Variants in TMEM71 observed in about 807,000 individuals in gnomAD.
TMEM71 encodes the protein transmembrane protein 71.
TMEM71 carries 44 observed loss-of-function variants against 38.0 expected under a neutral mutation model. The observed-to-expected ratio is 1.16, with a 90% CI of 0.91 to 1.49. TMEM71 has a LOEUF of 1.49. Ranked by LOEUF, TMEM71 falls within the 40% of genes most tolerant of loss-of-function variation. TMEM71 has a pLI of 0.00. For missense variants in TMEM71, 367 were observed against 348.6 expected (o/e 1.05, Z -0.42); for synonymous variants, 133 against 122.5 (o/e 1.09, Z -0.56).
chr8:132,769,637 C>G, the TMEM71 span, among the ~76,000 whole-genome samples: 4 of 152,178 alleles, frequency 2.6e-5, no homozygotes, highest in African/African-American at 9.7e-5. Context: ...TTAGAAGAAA[C>G]ATGAGAGAGA....
chr8:132,720,145 T>TA (rs1826761226), intron 7 of TMEM71, among the ~76,000 whole-genome samples: 1 of 152,192 alleles, frequency 6.6e-6, no homozygotes, highest in South Asian at 2.1e-4. Flanking sequence ...CAGTGTAACT[T>TA]ATCTCTGTTG....
chr8:132,729,137 T>A (rs904865747), intron 5 of TMEM71, among the ~76,000 whole-genome samples: 2 of 152,234 alleles, frequency 1.3e-5, no homozygotes, highest in African/African-American at 2.4e-5. Flanking sequence ...CTAAGATGAT[T>A]CCTCATAACA....
the TMEM71 span, among the ~76,000 whole-genome samples, chr8:132,770,784 A>G: frequency 6.6e-6 from 1 of 152,334 alleles, no homozygotes; most frequent in African/African-American, 2.4e-5. Flanking sequence ...TGAATATTTC[A>G]TGTACGTATG....
the TMEM71 span, among the ~76,000 whole-genome samples, chr8:132,766,396 G>C: frequency 4.4e-5 from 6 of 136,240 alleles, no homozygotes; most frequent in Admixed American, 3.8e-4. Context: ...TATATCAGAA[G>C]TACATGGGGG....
intron 6 of TMEM71, among the ~76,000 whole-genome samples, chr8:132,723,220 G>A (rs1826950078): frequency 1.3e-5 from 2 of 152,176 alleles, no homozygotes; most frequent in African/African-American, 4.8e-5. Flanking sequence ...TTCAGTTATT[G>A]TGGGTTCAAC....
chr8:132,751,407 A>AT (rs1828700705), intron 4 of TMEM71, among the ~76,000 whole-genome samples: 6 of 152,164 alleles, frequency 3.9e-5, no homozygotes, highest in Admixed American at 3.3e-4. Flanking sequence ...ATTTTTACCT[A>AT]TTCCCCAAGT....
chr8:132,758,013 T>TCTCTCCCTCATTAGTGCATATTA (rs1829128937), intron 2 of TMEM71: 1 of 152,214 alleles, frequency 6.6e-6, no homozygotes, highest in Non-Finnish European at 1.5e-5. Flanking sequence ...ATCATTGTTC[T>TCTCTCCCTCATTAGTGCATATTA]AGACTCTCCC....
chr8:132,773,489 T>C, the TMEM71 span, among the ~76,000 whole-genome samples: 1 of 152,228 alleles, frequency 6.6e-6, no homozygotes. Flanking sequence ...GTTCTTTATG[T>C]ATGTATTTTA....
At chr8:132,762,011 C>T (rs1218241559), upstream of TMEM71, among the ~76,000 whole-genome samples, 1 of 152,172 alleles carries the variant, frequency 6.6e-6, no homozygotes, top group East Asian at 1.9e-4. Flanking sequence ...AGCAGACAAC[C>T]CAGGCTAGCC....
At chr8:132,725,030 T>A (rs2131048995) in intron 6 of TMEM71, among the ~76,000 whole-genome samples, 1 of 148,358 alleles carries the variant, frequency 6.7e-6, no homozygotes, top group African/African-American at 2.5e-5. Context: ...TTCTTTTCTT[T>A]TCTTTTCTTT....
intron 6 of TMEM71, among the ~76,000 whole-genome samples, chr8:132,725,392 C>T (rs1827087194): frequency 6.6e-6 from 1 of 152,064 alleles, no homozygotes; most frequent in African/African-American, 2.4e-5. Flanking sequence ...CTGGTACAAC[C>T]TTTTAAAGAG....
At position 132,747,064 on chromosome 8, in the gene TMEM71, T is replaced by C. The variant is rs763310359; in HGVS notation, c.365A>G (p.Asn122Ser). The C allele has an allele frequency of 2.2e-5, 35 of 1,613,014 alleles. No individual in the cohort carries two copies. Among genetic ancestry groups the C allele is most frequent in the Middle Eastern group, 1.7e-4 (1 of 6,058 alleles). ...CAGCCAAGATTTGGAGGTACTGAGG[T>C]TGAAGAGAGAAGAAAAGGAATGGCA... ...RICHSFSSLF[N>S]LSTSKSWLHG... The change falls in exon 5 of 10, where the codon AAC becomes AGC. Residue 122 changes from asparagine (N) to serine (S), a missense_variant. Transcript: ENST00000677595.
upstream of TMEM71, among the ~76,000 whole-genome samples, chr8:132,762,902 T>A (rs1419229429): frequency 2.0e-5 from 3 of 152,244 alleles, no homozygotes; most frequent in Admixed American, 1.3e-4. Context: ...GCAATTGTTA[T>A]CCACATGCAG....
chr8:132,743,420 T>C (rs1047317607), intron 5 of TMEM71, among the ~76,000 whole-genome samples: 2 of 152,168 alleles, frequency 1.3e-5, no homozygotes, highest in African/African-American at 4.8e-5. Context: ...TATTTACCTT[T>C]CTAGCATGAT....
In TMEM71 at chr8:132,727,906, A is replaced by T; in HGVS notation, c.568T>A (p.Ser190Thr). The T allele has an allele frequency of 6.2e-7, 1 of 1,613,928 alleles. No individual in the cohort carries two copies. The highest frequency in any genetic ancestry group is 1.1e-5 in the South Asian group (1 of 91,072). ...MNAESVITSS[S>T]SHIISQPPGG... is the part of the protein sequence containing the mutation. ...GGAGGCTGAGATATGATGTGGCTGG[A>T]AGAGGAGGTGATCACAGACTCTGCA... The change falls in exon 6 of 10, where the codon TCC becomes ACC. Residue 190 changes from serine (S) to threonine (T), a missense_variant. Physicochemically the swap from Ser to Thr is moderately conservative, Grantham distance 58. Transcript: ENST00000677595.
the TMEM71 span, among the ~76,000 whole-genome samples, chr8:132,770,044 C>T: frequency 6.6e-6 from 1 of 152,174 alleles, no homozygotes; most frequent in Non-Finnish European, 1.5e-5. Context: ...TGTTCTGTTG[C>T]TCACCCTCTC....
chr8:132,737,127 T>C (rs1231354618), intron 5 of TMEM71, among the ~76,000 whole-genome samples: 1 of 152,138 alleles, frequency 6.6e-6, no homozygotes, highest in Non-Finnish European at 1.5e-5. Context: ...CGAGTGAGTA[T>C]CAGGTTTCTT....
At chr8:132,733,384 C>T (rs963077710) in intron 5 of TMEM71, among the ~76,000 whole-genome samples, 1 of 152,144 alleles carries the variant, frequency 6.6e-6, no homozygotes, top group Non-Finnish European at 1.5e-5. Context: ...GGTACAGTAA[C>T]TATAGAGAAA....
chr8:132,710,448 G>A lies in TMEM71; in HGVS notation c.*519C>T, dbSNP rs1053860689. 5 of 168,192 alleles carry A rather than the reference G, an allele frequency of 3.0e-5. No homozygotes were observed. Among genetic ancestry groups the A allele is most frequent in the African/African-American group, 1.2e-4 (5 of 41,952 alleles). The allele number at this position is 168,192 out of a possible 1,614,324, so 10.4% of individuals were successfully genotyped here. On this transcript the variant is annotated 3_prime_UTR_variant, in exon 10 of 10. Transcript: ENST00000677595. The stretch of plus-strand genomic sequence containing the variant: ...CCTAATATCAAGTCACTCCACTGAG[G>A]TGAATGACAAACTTTTGCAGCATTA...
Sources: gnomAD v4.1 joint callset for allele counts (sites outside exome capture counted in the v4.1 genomes callset) on GRCh38, gnomAD v4.1.1 for gene constraint, MANE v1.5 for transcripts, NCBI Gene and HGNC (gene_info 2026-07-23, HGNC 2026-07-21) for gene names.